The following DAB1 variants were observed in gnomAD, a reference collection of about 807,000 sequenced individuals.
DAB1 encodes DAB adaptor protein 1, also known as disabled homolog 1.
A neutral mutation model predicts 64.6 loss-of-function variants in DAB1; 15 were observed. The observed-to-expected ratio is 0.23, with a 90% CI of 0.16 to 0.36. DAB1 has a LOEUF of 0.36. Ranked by LOEUF, DAB1 falls within the 10% of genes least tolerant of loss-of-function variation. The probability of loss-of-function intolerance (pLI) is 1.00; values close to 1 mark genes in which losing one functional copy is unlikely to be tolerated. For missense variants in DAB1, 596 were observed against 706.7 expected, an observed-to-expected ratio of 0.84 and a Z score of 1.78; for synonymous variants, 235 against 251.9, an observed-to-expected ratio of 0.93 and a Z score of 0.64.
At chr1:57,085,034 T>C (rs1221270684) in intron 4 of DAB1, among the ~76,000 whole-genome samples, 2 of 152,220 alleles carry the variant, frequency 1.3e-5, no homozygotes, top group Non-Finnish European at 1.5e-5. Context: ...CACCGTTCTG[T>C]AGCCATCTCC....
At chr1:57,307,867 C>T (rs1436470320) in intron 1 of DAB1, among the ~76,000 whole-genome samples, 1 of 152,132 alleles carries the variant, frequency 6.6e-6, no homozygotes, top group Non-Finnish European at 1.5e-5. Flanking sequence ...CCTTCTTTCC[C>T]TAGCTATGGA....
At chr1:57,150,822 C>A (rs1469071609) in intron 2 of DAB1, among the ~76,000 whole-genome samples, 2 of 152,100 alleles carry the variant, frequency 1.3e-5, no homozygotes, top group Non-Finnish European at 2.9e-5. Context: ...GTTTAGCAAT[C>A]CTAATTATCT....
chr1:57,989,325 A>C (rs969078185), intron 5 of DAB1, among the ~76,000 whole-genome samples: 1 of 152,162 alleles, frequency 6.6e-6, no homozygotes, highest in African/African-American at 2.4e-5. Flanking sequence ...GAAACACTTC[A>C]ACACCCATCC....
intron 7 of DAB1, among the ~76,000 whole-genome samples, chr1:57,470,191 T>C (rs1687090322): frequency 6.6e-6 from 1 of 152,202 alleles, no homozygotes; most frequent in Admixed American, 6.5e-5. Flanking sequence ...AGAAATGAGC[T>C]GTTTCACTCA....
intron 4 of DAB1, among the ~76,000 whole-genome samples, chr1:58,267,319 G>C (rs1661194297): frequency 6.6e-6 from 1 of 152,180 alleles, no homozygotes; most frequent in South Asian, 2.1e-4. Context: ...ATTTGTTCTG[G>C]CTGGAGACAG....
In DAB1 at chr1:57,290,949, C is replaced by A; in HGVS notation, c.67+15G>T. Reference sequence around the variant, plus strand: ...AGAAAAGTAGCCATTAAAAAAAGGTCAAATTCAGCCCTACCTTTCTTTCTG... The same window carrying A: ...AGAAAAGTAGCCATTAAAAAAAGGTAAAATTCAGCCCTACCTTTCTTTCTG... On this transcript the variant is annotated intron_variant, in intron 2 of 14. Transcript: ENST00000371236. 1 of 1,602,952 alleles carries A rather than the reference C, an allele frequency of 6.2e-7. No homozygotes were observed. The highest frequency in any genetic ancestry group is 1.1e-5 in the South Asian group (1 of 90,056).
intron 5 of DAB1, among the ~76,000 whole-genome samples, chr1:58,063,427 G>C (rs1648636652): frequency 6.6e-6 from 1 of 152,186 alleles, no homozygotes; most frequent in South Asian, 2.1e-4. Flanking sequence ...AGAGGACTCT[G>C]TAGACCAGAA....
chr1:57,372,108 A>G (rs1383421599), intron 1 of DAB1, among the ~76,000 whole-genome samples: 2 of 152,238 alleles, frequency 1.3e-5, no homozygotes, highest in Non-Finnish European at 2.9e-5. Context: ...ACAGAATCGA[A>G]GACAAATTAT....
intron 7 of DAB1, among the ~76,000 whole-genome samples, chr1:57,585,544 T>C (rs1337889114): frequency 2.0e-5 from 3 of 152,218 alleles, no homozygotes; most frequent in African/African-American, 7.2e-5. Flanking sequence ...TGAACGTGCA[T>C]GCATTGTCTG....
chr1:58,228,366 T>G (rs945714258), intron 4 of DAB1, among the ~76,000 whole-genome samples: 3 of 152,156 alleles, frequency 2.0e-5, no homozygotes, highest in East Asian at 1.9e-4. Flanking sequence ...AATTGCTTTT[T>G]GGGGGGGTAA....
At chr1:58,358,054 C>G (rs1454824096) in intron 3 of DAB1, among the ~76,000 whole-genome samples, 1 of 152,210 alleles carries the variant, frequency 6.6e-6, no homozygotes, top group African/African-American at 2.4e-5. Flanking sequence ...GACCTTTCTG[C>G]TGAACTGAAA....
At chr1:57,666,498 C>G (rs1646449046) in intron 6 of DAB1, among the ~76,000 whole-genome samples, 1 of 152,122 alleles carries the variant, frequency 6.6e-6, no homozygotes, top group Non-Finnish European at 1.5e-5. Flanking sequence ...GCAGGTGGGT[C>G]AGTGGTACTT....
chr1:57,343,713 CGG>C, intron 1 of DAB1, among the ~76,000 whole-genome samples: 1 of 152,318 alleles, frequency 6.6e-6, no homozygotes, highest in East Asian at 1.9e-4. Flanking sequence ...GTGGGGTCCG[CGG>C]AGCCCACGCC....
chr1:58,365,233 G>C (rs1485239788), intron 3 of DAB1, among the ~76,000 whole-genome samples: 1 of 152,086 alleles, frequency 6.6e-6, no homozygotes, highest in Non-Finnish European at 1.5e-5. Context: ...TCTCTAATGA[G>C]AATAAAGACA....
At chr1:57,044,655 G>A (rs947869476) in intron 9 of DAB1, among the ~76,000 whole-genome samples, 4 of 152,136 alleles carry the variant, frequency 2.6e-5, no homozygotes, top group African/African-American at 4.8e-5. Context: ...TTACTCACAC[G>A]TTTGCTATAT....
chr1:57,564,598 G>A lies in DAB1; in HGVS notation n.625+84994C>T, dbSNP rs182264114. Reference sequence around the variant, plus strand: ...TAGAGAAGTCCTTAAATGACCTGACGGAGCTGAAAACCATGGCACGAGAAC... The same window carrying A: ...TAGAGAAGTCCTTAAATGACCTGACAGAGCTGAAAACCATGGCACGAGAAC... On this transcript the variant is annotated intron_variant and non_coding_transcript_variant, in intron 7 of 20. Transcript: ENST00000485760. 1.4e-3 allele frequency among the ~76,000 whole-genome samples: 219 copies of A among 152,262 alleles called. 1 individual carries two copies. Among genetic ancestry groups the A allele is most frequent in the African/African-American group, 4.8e-3 (198 of 41,538 alleles).
chr1:58,262,153 G>A (rs968598642), intron 4 of DAB1, among the ~76,000 whole-genome samples: 11 of 152,142 alleles, frequency 7.2e-5, no homozygotes, highest in South Asian at 2.1e-4. Context: ...AGACTAAAAC[G>A]CAGTCCCCTA....
At chr1:57,015,976 T>G (rs1490697090) in intron 11 of DAB1, among the ~76,000 whole-genome samples, 4 of 152,220 alleles carry the variant, frequency 2.6e-5, no homozygotes, top group Non-Finnish European at 5.9e-5. Flanking sequence ...TTCTTATCTA[T>G]GTAATTTGGG....
intron 6 of DAB1, among the ~76,000 whole-genome samples, chr1:57,783,679 G>T (rs577430639): frequency 1.2e-4 from 18 of 152,220 alleles, no homozygotes; most frequent in African/African-American, 4.3e-4. Flanking sequence ...ACAGTATGTG[G>T]TCACTTCGTG....
Sources: allele counts gnomAD v4.1 joint callset (sites outside exome capture counted in the v4.1 genomes callset), GRCh38; gene constraint gnomAD v4.1.1; transcripts MANE v1.5; gene names NCBI Gene and HGNC (gene_info 2026-07-23, HGNC 2026-07-21).